Variants in SENP5 observed in about 807,000 individuals in gnomAD.
SENP5 encodes the protein sentrin-specific protease 5.
In SENP5, 21 loss-of-function variants were observed where a neutral mutation model predicts 74.2. The ratio of observed to expected loss-of-function variants is 0.28; its 90% CI spans 0.20 to 0.41. The LOEUF (loss-of-function observed/expected upper bound fraction) is 0.41, where lower values mean the gene tolerates loss of function less well. Among genes scored for constraint, SENP5 ranks in the 10% least tolerant of loss-of-function variants. The pLI is 1.00. For synonymous variants in SENP5, 311 were observed against 312.7 expected, an observed-to-expected ratio of 0.99 and a Z score of 0.06; for missense variants, 717 against 889.1, an observed-to-expected ratio of 0.81 and a Z score of 2.46.
At chr3:196,927,077 G>C (rs921636070) in intron 7 of SENP5, among the ~76,000 whole-genome samples, 1 of 152,204 alleles carries the variant, frequency 6.6e-6, no homozygotes, top group African/African-American at 2.4e-5. Flanking sequence ...CATCTTGGTA[G>C]ATAGTTCAAC....
chr3:196,885,333 A>G lies in SENP5; in HGVS notation c.152A>G (p.Asn51Ser). 6 of 1,614,216 alleles carry G rather than the reference A, an allele frequency of 3.7e-6. No homozygotes were observed. The South Asian group carries it at 5.5e-5, about 15-fold the overall frequency. The change falls in exon 2 of 10, where the codon AAT (asparagine) becomes AGT (serine). Residue 51 changes from asparagine (N) to serine (S), a missense_variant. By Grantham distance (46) the Asn-to-Ser change is conservative. Coordinates refer to ENST00000323460, the MANE Select transcript of SENP5 (RefSeq NM_152699.5). The stretch of plus-strand genomic sequence containing the variant: ...AAGCTGGGAAGGCCAGTTACTTGGA[A>G]TAGACAGTTGAGACATTTCCAGGGT... ...KAKLGRPVTW[N>S]RQLRHFQGRK... is the part of the protein sequence containing the mutation.
intron 1 of SENP5, among the ~76,000 whole-genome samples, chr3:196,870,812 C>T (rs1713182264): frequency 1.3e-5 from 2 of 152,052 alleles, no homozygotes; most frequent in African/African-American, 4.8e-5. Flanking sequence ...GCCACTGTAT[C>T]CGGTCAGCAG....
intron 2 of SENP5, among the ~76,000 whole-genome samples, chr3:196,895,079 A>C (rs1714384035): frequency 6.6e-6 from 1 of 152,184 alleles, no homozygotes; most frequent in Non-Finnish European, 1.5e-5. Flanking sequence ...TCTTACGTGC[A>C]CAGCACGGGG....
chr3:196,888,935 T>G (rs1355777103), intron 2 of SENP5, among the ~76,000 whole-genome samples: 3 of 151,894 alleles, frequency 2.0e-5, no homozygotes, highest in Non-Finnish European at 2.9e-5. Context: ...GCTAACATGG[T>G]GAAACCCCGT....
intron 6 of SENP5, among the ~76,000 whole-genome samples, chr3:196,921,105 G>C (rs1263491204): frequency 6.6e-6 from 1 of 152,058 alleles, no homozygotes; most frequent in Non-Finnish European, 1.5e-5. Context: ...TTTGAACTTT[G>C]GACTCTTTCA....
chr3:196,909,157 T>C (rs888260683), intron 6 of SENP5, among the ~76,000 whole-genome samples: 1 of 151,864 alleles, frequency 6.6e-6, no homozygotes, highest in Non-Finnish European at 1.5e-5. Flanking sequence ...AACTAGAAAA[T>C]CTAGAAGAAA....
At chr3:196,905,992 G>A (rs1714887866) in intron 6 of SENP5, among the ~76,000 whole-genome samples, 1 of 152,182 alleles carries the variant, frequency 6.6e-6, no homozygotes, top group Non-Finnish European at 1.5e-5. Context: ...GTCTGAGGCA[G>A]GCAGATCACT....
chr3:196,932,054 A>G lies in SENP5; in HGVS notation c.*1131A>G. 1 of 308,212 alleles carries G rather than the reference A, an allele frequency of 3.2e-6. No individual in the cohort carries two copies. Among genetic ancestry groups the G allele is most frequent in the South Asian group, 2.5e-5 (1 of 39,506 alleles). The allele number at this position is 308,212 out of a possible 1,614,324, so 19.1% of individuals were successfully genotyped here. A position where few individuals can be genotyped will look rare whatever the true frequency, so the allele number is the denominator to read the frequency against. ...TCTGGCTTCTGCATGGCCAGTGCTG[A>G]CACTAGCACAGCTGTTCTTCTCCTT... On this transcript the variant is annotated 3_prime_UTR_variant, in exon 10 of 10. Transcript: ENST00000323460.
chr3:196,880,458 A>G (rs1036257688), intron 1 of SENP5, among the ~76,000 whole-genome samples: 2 of 152,142 alleles, frequency 1.3e-5, no homozygotes, highest in East Asian at 3.9e-4. Flanking sequence ...ACTGATCTGC[A>G]CACCTTATTC....
At position 196,933,013 on chromosome 3, in the gene SENP5, G is replaced by GTTTTTGTTTT. The variant is rs1716096410; in HGVS notation, c.*2095_*2096insGTTTTTTTTT. The GTTTTTGTTTT allele has an allele frequency of 8.9e-6, 1 of 112,182 alleles. No homozygotes were observed. The highest frequency in any genetic ancestry group is 1.7e-5 in the Non-Finnish European group (1 of 59,134). The allele number at this position is 112,182 out of a possible 1,614,324, so 6.9% of individuals were successfully genotyped here. On this transcript the variant is annotated 3_prime_UTR_variant, in exon 10 of 10. Coordinates refer to ENST00000323460, the MANE Select transcript of SENP5 (RefSeq NM_152699.5). The stretch of plus-strand genomic sequence containing the variant: ...GGCTTAGACTAAATGTTGAGTTTGG[G>GTTTTTGTTTT]TTTTTTGTTTTTTTTTTTTTTTGAG...
At chr3:196,912,320 A>G (rs911676695) in intron 6 of SENP5, among the ~76,000 whole-genome samples, 2 of 152,202 alleles carry the variant, frequency 1.3e-5, no homozygotes, top group African/African-American at 4.8e-5. Flanking sequence ...CTAACAGAGG[A>G]ACAGAAAACC....
At chr3:196,882,283 T>G (rs1354574039) in intron 1 of SENP5, among the ~76,000 whole-genome samples, 1 of 152,110 alleles carries the variant, frequency 6.6e-6, no homozygotes, top group Non-Finnish European at 1.5e-5. Context: ...TTCATTGGCA[T>G]TAAAGTACAT....
chr3:196,880,089 G>A (rs56046094), intron 1 of SENP5, among the ~76,000 whole-genome samples: 1,843 of 152,122 alleles, frequency 0.012, 28 homozygotes, highest in Non-Finnish European at 0.022. Flanking sequence ...GGGATTACAG[G>A]TTCATGCCAC....
intron 1 of SENP5, among the ~76,000 whole-genome samples, chr3:196,870,913 G>A (rs2064663131): frequency 6.6e-6 from 1 of 151,802 alleles, no homozygotes; most frequent in Non-Finnish European, 1.5e-5. Flanking sequence ...GCTCATGCCT[G>A]TAATCCCAGC....
At chr3:196,890,439 G>A (rs140628530) in intron 2 of SENP5, among the ~76,000 whole-genome samples, 5 of 152,268 alleles carry the variant, frequency 3.3e-5, no homozygotes, top group Non-Finnish European at 7.4e-5. Context: ...TTTACTTGTT[G>A]CAGTTTCATA....
chr3:196,915,552 A>G lies in SENP5; in HGVS notation c.1885-7862A>G, dbSNP rs558752430. On this transcript the variant is annotated intron_variant, in intron 6 of 9. Transcript: ENST00000323460. ...TGAGTAAAGAGCCCTTGGACCTTGA[A>G]TAAATATCAGCGGTCGCCAGGCAGG... Among the ~76,000 whole-genome samples, 3 of 152,300 alleles carry G rather than the reference A, an allele frequency of 2.0e-5. No homozygotes were observed. In the South Asian group the frequency reaches 6.2e-4, roughly 32 times the overall value.
Position 196,886,542 on chromosome 3 carries a change from G to A in SENP5, c.1361G>A (p.Ser454Asn). The A allele has an allele frequency of 9.9e-6, 16 of 1,613,854 alleles. No individual in the cohort carries two copies. The highest frequency in any genetic ancestry group is 1.2e-5 in the Non-Finnish European group (14 of 1,179,846). Residue 454 changes from serine (S) to asparagine (N), a missense_variant, in exon 2 of 10, where the codon AGT becomes AAT. Around this residue, in one of 4 missense-constraint regions of SENP5, gnomAD observed 567 missense variants for 577.4 expected, o/e 0.98. Transcript: ENST00000323460. ...EDGSLKQSIL[S>N]SELLDHPYCK... ...GGATCTCTCAAGCAGAGCATTCTTA[G>A]TTCTGAGTTGCTGGACCACCCTTAC...
In SENP5 at chr3:196,918,950, C is replaced by G. The variant is rs75183786; in HGVS notation, c.1885-4464C>G. 1.3e-3 allele frequency among the ~76,000 whole-genome samples: 190 copies of G among 144,430 alleles called. 7 individuals are homozygous for G. In the East Asian group the frequency reaches 0.032, roughly 25 times the overall value. The allele number at this position is 144,430 out of a possible 152,430, so 94.8% of individuals were successfully genotyped here. On this transcript the variant is annotated intron_variant, in intron 6 of 9. Coordinates refer to ENST00000323460, the MANE Select transcript of SENP5 (RefSeq NM_152699.5). Reference sequence around the variant, plus strand: ...GGTCATTATATAATGATAAAAAGGTCAGACAATATAAAAATTATGTATGTG... The same window carrying G: ...GGTCATTATATAATGATAAAAAGGTGAGACAATATAAAAATTATGTATGTG...
At chr3:196,885,068 C>A in intron 1 of SENP5, 83 bp from the exon 2 acceptor site, 1 of 756,652 alleles carries the variant, frequency 1.3e-6, no homozygotes, top group Non-Finnish European at 2.1e-6. Flanking sequence ...TTTTTTTTCT[C>A]AATTTTCTGC....
Sources: gnomAD v4.1 joint callset for allele counts (sites outside exome capture counted in the v4.1 genomes callset) on GRCh38, gnomAD v4.1.1 for gene constraint, gnomAD v4.1.1 regional missense constraint, MANE v1.5 for transcripts, NCBI Gene and HGNC (gene_info 2026-07-23, HGNC 2026-07-21) for gene names.